Variants in VPS13C observed in about 807,000 individuals in gnomAD.
The protein encoded by VPS13C is intermembrane lipid transfer protein VPS13C.
Under a neutral mutation model 456.8 loss-of-function variants are expected in VPS13C, and 358 were observed. That is an observed-to-expected ratio of 0.78 (90% confidence interval 0.72 to 0.86). The LOEUF is 0.86. VPS13C is among the 40% of genes least tolerant of loss of function. VPS13C has a pLI of 0.00. For synonymous variants in VPS13C, 1,578 were observed against 1,486.7 expected (o/e 1.06, Z -1.41); for missense variants, 4,818 against 4,385.4 (o/e 1.10, Z -2.79).
intron 75 of VPS13C, 86 bp from the exon 76 acceptor site, chr15:61,875,931 T>C: frequency 1.1e-6 from 1 of 920,152 alleles, no homozygotes; most frequent in Non-Finnish European, 1.6e-6. Flanking sequence ...GATTTACTGA[T>C]AAAATTAAGT....
In VPS13C at chr15:61,940,717, C is replaced by T. The variant is rs773059978; in HGVS notation, c.5531G>A (p.Arg1844Gln). 1.2e-5 allele frequency: 20 copies of T among 1,613,820 alleles called. No individual in the cohort carries two copies. The highest frequency in any genetic ancestry group is 3.3e-5 in the Admixed American group (2 of 60,020). Residue 1844 changes from arginine (R) to glutamine (Q), a missense_variant, in exon 47 of 85, where the codon CGA (arginine) becomes CAA (glutamine). By Grantham distance (43) the Arg-to-Gln change is conservative. Transcript: ENST00000644861. ...KPVNMLLSIQ[R>Q]NLAAAWYVQI... ...CACATACCATGCTGCTGCTAAGTTT[C>T]GCTGTATGGACAAAAGCATGTTGAC...
chr15:61,945,203 T>C (rs1016581450), intron 45 of VPS13C, among the ~76,000 whole-genome samples: 1 of 152,264 alleles, frequency 6.6e-6, no homozygotes, highest in Non-Finnish European at 1.5e-5. Flanking sequence ...TAAACCTCTT[T>C]TCTTTGTAAA....
At position 61,881,802 on chromosome 15, in the gene VPS13C, C is replaced by A; in HGVS notation, c.9651G>T (p.Met3217Ile). Residue 3217 changes from methionine to isoleucine, a missense_variant, in exon 70 of 85, where the codon ATG becomes ATT. Met to Ile is a conservative substitution (Grantham distance 10). Around this residue, in one of 3 missense-constraint regions of VPS13C, gnomAD observed 4,552 missense variants for 4,130.6 expected, o/e 1.10. Coordinates refer to ENST00000644861, the MANE Select transcript of VPS13C (RefSeq NM_020821.3). ...CAACAGGATGAAATACAACAGGGAACATTGCACCTGGTAACTGATTATCAA... is the reference window on the plus strand; with the variant it reads ...CAACAGGATGAAATACAACAGGGAAAATTGCACCTGGTAACTGATTATCAA... ...LQVDNQLPGA[M>I]FPVVFHPVAP... is the part of the protein sequence containing the mutation. 6.2e-7 allele frequency: 1 copy of A among 1,601,384 alleles called. No individual in the cohort carries two copies. The highest frequency in any genetic ancestry group is 1.1e-5 in the South Asian group (1 of 87,766).
At chr15:61,907,418 C>G (rs766007379) in intron 65 of VPS13C, 28 bp from the exon 66 acceptor site, 3 of 1,609,404 alleles carry the variant, frequency 1.9e-6, no homozygotes, top group Non-Finnish European at 2.5e-6. Context: ...GAGAGAAAAT[C>G]AGAATATCTT....
At chr15:61,962,589 TA>T (rs1455329933) in intron 33 of VPS13C, 51 bp from the exon 34 acceptor site, 1 of 1,512,204 alleles carries the variant, frequency 6.6e-7, no homozygotes, top group African/African-American at 1.4e-5. Context: ...AATGACAAAA[TA>T]AAATCTCATT....
intron 9 of VPS13C, among the ~76,000 whole-genome samples, chr15:62,019,093 C>A (rs929085944): frequency 5.3e-5 from 8 of 152,066 alleles, no homozygotes; most frequent in Non-Finnish European, 1.2e-4. Context: ...TTATAGTATT[C>A]TCTGATGGTA....
At chr15:61,997,308 C>A (rs987225775) in intron 16 of VPS13C, among the ~76,000 whole-genome samples, 7 of 152,110 alleles carry the variant, frequency 4.6e-5, no homozygotes, top group Non-Finnish European at 7.4e-5. Context: ...CTGGTTCTTT[C>A]CCATCCCTCT....
intron 8 of VPS13C, among the ~76,000 whole-genome samples, chr15:62,023,074 G>A (rs1477176701): frequency 1.3e-5 from 2 of 151,868 alleles, no homozygotes; most frequent in East Asian, 3.9e-4. Context: ...TCACCTTTTA[G>A]AATTAACTCT....
chr15:62,055,895 C>T (rs563513119), intron 1 of VPS13C, among the ~76,000 whole-genome samples: 1 of 152,276 alleles, frequency 6.6e-6, no homozygotes, highest in African/African-American at 2.4e-5. Flanking sequence ...TTGAGCTGGA[C>T]AATTCGCTGC....
rs533749790 is a variant in VPS13C at position 61,950,653 on chromosome 15, A to G, written c.4537-236T>C. On this transcript the variant is annotated intron_variant, in intron 40 of 84. Transcript: ENST00000644861. ...CTTATCCTACTGTGGAGGAAATGCT[A>G]GTATATCTAGATTAGGTACACTAAT... 3.9e-5 allele frequency among the ~76,000 whole-genome samples: 6 copies of G among 152,140 alleles called. No individual in the cohort carries two copies. In the East Asian group the frequency reaches 9.6e-4, roughly 24 times the overall value.
At chr15:61,906,395 T>C (rs1009423593) in intron 66 of VPS13C, among the ~76,000 whole-genome samples, 4 of 152,186 alleles carry the variant, frequency 2.6e-5, no homozygotes, top group African/African-American at 9.6e-5. Flanking sequence ...TGAACAGAAT[T>C]CTTCCCGGAT....
intron 5 of VPS13C, among the ~76,000 whole-genome samples, chr15:62,032,093 T>C (rs560584353): frequency 6.6e-6 from 1 of 151,896 alleles, no homozygotes. Flanking sequence ...TATATCAATA[T>C]ATCTAAGTAT....
intron 52 of VPS13C, 32 bp downstream of exon 52, chr15:61,927,059 A>C: frequency 6.3e-7 from 1 of 1,586,414 alleles, no homozygotes; most frequent in South Asian, 1.1e-5. Context: ...GCCATTCTTC[A>C]ACCCAAGATT....
chr15:61,988,078 A>G (rs1424612756), intron 18 of VPS13C, among the ~76,000 whole-genome samples: 1 of 152,238 alleles, frequency 6.6e-6, no homozygotes, highest in Admixed American at 6.5e-5. Flanking sequence ...CACATACTCA[A>G]CATGGATGAA....
chr15:61,955,141 G>T (rs567545024), intron 37 of VPS13C, among the ~76,000 whole-genome samples: 1 of 152,228 alleles, frequency 6.6e-6, no homozygotes, highest in South Asian at 2.1e-4. Context: ...CAATAAAATT[G>T]TTTTAAACTG....
At position 61,920,288 on chromosome 15, in the gene VPS13C, T is replaced by G; in HGVS notation, c.7256A>C (p.Lys2419Thr). Residue 2419 changes from lysine to threonine, a missense_variant, in exon 57 of 85, where the codon AAG (lysine) becomes ACG (threonine). Transcript: ENST00000644861. ...TTTTACCGTAAAAGGAGCTCTGTCCTTTAAAGAGTAGTCAAAAGTAGAAGC... is the reference window on the plus strand; with the variant it reads ...TTTTACCGTAAAAGGAGCTCTGTCCGTTAAAGAGTAGTCAAAAGTAGAAGC... ...GTASTFDYSLKDRAPFTVKNA... is the reference protein window; with the variant it reads ...GTASTFDYSLTDRAPFTVKNA... The G allele has an allele frequency of 6.2e-7, 1 of 1,611,212 alleles. No homozygotes were observed. Among genetic ancestry groups the G allele is most frequent in the Non-Finnish European group, 8.5e-7 (1 of 1,178,012 alleles).
chr15:61,971,653 C>T (rs754915769), intron 27 of VPS13C, among the ~76,000 whole-genome samples: 1 of 152,122 alleles, frequency 6.6e-6, no homozygotes, highest in African/African-American at 2.4e-5. Flanking sequence ...CAAAATAATC[C>T]AGGGAAGAAG....
Position 61,871,954 on chromosome 15 carries a change from A to G in VPS13C, c.10624+35T>C, listed in dbSNP as rs1895062596. 1.9e-6 allele frequency: 3 copies of G among 1,593,422 alleles called. No individual in the cohort carries two copies. In the African/African-American group the frequency reaches 4.0e-5, roughly 21 times the overall value. The stretch of plus-strand genomic sequence containing the variant: ...TGTTTACTAATAGCATCAAGTCTTC[A>G]GACTTTGTAAAGGAAGGAAATATTT... On this transcript the variant is annotated intron_variant, in intron 79 of 84. Transcript: ENST00000644861.
At chr15:61,964,976 G>T in intron 30 of VPS13C, 115 bp from the exon 31 acceptor site, 2 of 940,706 alleles carry the variant, frequency 2.1e-6, no homozygotes, top group Non-Finnish European at 3.1e-6. Context: ...CCACCACTCT[G>T]AAGGAAGAGT....
Sources: gnomAD v4.1 joint callset for allele counts (sites outside exome capture counted in the v4.1 genomes callset) on GRCh38, gnomAD v4.1.1 for gene constraint, gnomAD v4.1.1 regional missense constraint, MANE v1.5 for transcripts, NCBI Gene and HGNC (gene_info 2026-07-23, HGNC 2026-07-21) for gene names.